Variants in ZNF705B observed in about 807,000 individuals in gnomAD.
ZNF705B encodes the protein Putative zinc finger protein 705D-like protein LOC100132396.
In ZNF705B, 1 loss-of-function variant was observed where a neutral mutation model predicts 10.5. The ratio of observed to expected loss-of-function variants is 0.10; its 90% confidence interval spans 0.03 to 0.45. ZNF705B has a LOEUF of 0.45. Ranked by LOEUF, ZNF705B falls within the 20% of genes least tolerant of loss-of-function variation. ZNF705B has a pLI of 0.97. For synonymous variants in ZNF705B, 4 were observed against 25.4 expected, an observed-to-expected ratio of 0.16 and a Z score of 2.53; for missense variants, 14 against 84.0, an observed-to-expected ratio of 0.17 and a Z score of 3.26.
In ZNF705B at chr8:7,944,723, C is replaced by A. The variant is rs1291887272; in HGVS notation, c.-71-2628C>A. ...CGGTGGCTTACGCCTGTAATCCCAACACTTTGAGAGGCGGAGACTGGCGGA... is the reference window on the plus strand; with the variant it reads ...CGGTGGCTTACGCCTGTAATCCCAAAACTTTGAGAGGCGGAGACTGGCGGA... On this transcript the variant is annotated intron_variant, in intron 2 of 6. Coordinates refer to ENST00000400120, the MANE Select transcript of ZNF705B (RefSeq NM_001193630.1). Among the ~76,000 whole-genome samples, 10 of 89,214 alleles carry A rather than the reference C, an allele frequency of 1.1e-4. 1 individual carries two copies. The highest frequency in any genetic ancestry group is 3.6e-4 in the African/African-American group (10 of 27,808). 58.5% of individuals were successfully genotyped at this position (89,214 alleles called of 152,430 possible).
intron 1 of ZNF705B, among the ~76,000 whole-genome samples, chr8:7,929,272 C>T (rs2128941169): frequency 8.2e-6 from 1 of 121,352 alleles, no homozygotes; most frequent in African/African-American, 2.5e-5. Flanking sequence ...AATCAAAATG[C>T]AATTTTAAAA....
intron 2 of ZNF705B, among the ~76,000 whole-genome samples, chr8:7,932,136 C>T (rs1819865561): frequency 8.3e-6 from 1 of 121,152 alleles, no homozygotes; most frequent in Non-Finnish European, 2.0e-5. Context: ...ATAGTAGTCT[C>T]AGGGCCTGCA....
intron 2 of ZNF705B, among the ~76,000 whole-genome samples, chr8:7,933,125 C>G (rs1819897662): frequency 9.1e-6 from 1 of 110,438 alleles, no homozygotes; most frequent in African/African-American, 2.6e-5. Context: ...CCAGGTGGGC[C>G]CAATGTAATC....
At chr8:7,927,469 A>G (rs1819725087) in intron 1 of ZNF705B, among the ~76,000 whole-genome samples, 1 of 120,974 alleles carries the variant, frequency 8.3e-6, no homozygotes, top group South Asian at 2.8e-4. Context: ...TCTTTTTTTG[A>G]GAAATGTCTG....
intron 2 of ZNF705B, among the ~76,000 whole-genome samples, 180 bp downstream of exon 2, chr8:7,930,616 A>G (rs1277624309): frequency 1.0e-5 from 1 of 98,318 alleles, no homozygotes; most frequent in East Asian, 3.0e-4. Flanking sequence ...AGAAGCTTAA[A>G]GAAATTTAAA....
chr8:7,930,789 C>G (rs1468821314), intron 2 of ZNF705B, among the ~76,000 whole-genome samples: 1 of 114,778 alleles, frequency 8.7e-6, no homozygotes, highest in Non-Finnish European at 2.1e-5. Flanking sequence ...ACAAATAATG[C>G]TGACCACTTT....
intron 2 of ZNF705B, among the ~76,000 whole-genome samples, chr8:7,933,105 C>T (rs2739900): frequency 0.034 from 3,875 of 114,450 alleles, 513 homozygotes; most frequent in Admixed American, 0.057. Flanking sequence ...GGGAGATTAT[C>T]TTAGATTATC....
chr8:7,937,505 C>G (rs1292535535), intron 2 of ZNF705B, among the ~76,000 whole-genome samples: 1 of 112,516 alleles, frequency 8.9e-6, no homozygotes, highest in Non-Finnish European at 2.1e-5. Context: ...ATGTGTTTAT[C>G]CAAATTTGGA....
At chr8:7,929,073 C>T (rs186280004) in intron 1 of ZNF705B, among the ~76,000 whole-genome samples, 12 of 121,358 alleles carry the variant, frequency 9.9e-5, no homozygotes, top group African/African-American at 1.7e-4. Context: ...ACTATGTGTA[C>T]CCCAAAAACT....
chr8:7,941,112 C>T (rs554347830), intron 2 of ZNF705B, among the ~76,000 whole-genome samples: 2 of 148,378 alleles, frequency 1.3e-5, no homozygotes, highest in East Asian at 2.1e-4. Flanking sequence ...GGGTTGATTC[C>T]ATGTCTTTGC....
rs1382743585 is a variant in ZNF705B, at chr8:7,944,892, C to T, written c.-71-2459C>T. Among the ~76,000 whole-genome samples the T allele has an allele frequency of 6.4e-5, 5 of 77,556 alleles. 1 individual carries two copies. The highest frequency in any genetic ancestry group is 1.5e-4 in the Non-Finnish European group (5 of 33,942). 50.9% of individuals were successfully genotyped at this position (77,556 alleles called of 152,430 possible). On this transcript the variant is annotated intron_variant, in intron 2 of 6. Transcript: ENST00000400120. ...GGCTGAGGCTGGAGAATTGCTTGAA[C>T]CCAGGAGGTGGAGGTTGCGGTGAGC...
At chr8:7,935,509 C>CCT (rs200831893) in intron 2 of ZNF705B, among the ~76,000 whole-genome samples, 6,038 of 87,882 alleles carry the variant, frequency 0.069, 63 homozygotes, top group Admixed American at 0.095. Context: ...AAAACCAGCA[C>CCT]TTTTTTTTTT....
chr8:7,935,701 A>G (rs1296670511), intron 2 of ZNF705B, among the ~76,000 whole-genome samples: 1 of 94,108 alleles, frequency 1.1e-5, no homozygotes, highest in Admixed American at 1.3e-4. Flanking sequence ...ATGCAACATC[A>G]TATTTATATC....
At chr8:7,931,125 T>C (rs562824624) in intron 2 of ZNF705B, among the ~76,000 whole-genome samples, 6 of 121,246 alleles carry the variant, frequency 4.9e-5, no homozygotes, top group South Asian at 2.7e-4. Context: ...AGTGCTAGGA[T>C]TACAGGTGTG....
rs1264988533 is a variant in ZNF705B at position 7,940,554 on chromosome 8, G to T, written c.-71-6797G>T. On this transcript the variant is annotated intron_variant, in intron 2 of 6. Transcript: ENST00000400120. The stretch of plus-strand genomic sequence containing the variant: ...CGAGACCTCCAGAACTTACTTACGT[G>T]GTATATCTGAAACTTTGTGCTCTAA... Among the ~76,000 whole-genome samples, 3 of 123,368 alleles carry T rather than the reference G, an allele frequency of 2.4e-5. No homozygotes were observed. The East Asian group carries it at 6.9e-4, about 28-fold the overall frequency. 80.9% of individuals were successfully genotyped at this position (123,368 alleles called of 152,430 possible).
rs529318938 is a variant in ZNF705B at position 7,932,982 on chromosome 8, C to T, written c.-72+2546C>T. Among the ~76,000 whole-genome samples the T allele has an allele frequency of 9.3e-4, 107 of 115,394 alleles. 15 individuals carry two copies. In the East Asian group the frequency reaches 0.024, roughly 26 times the overall value. The allele number at this position is 115,394 out of a possible 152,430, so 75.7% of individuals were successfully genotyped here. A position where few individuals can be genotyped will look rare whatever the true frequency, so the allele number is the denominator to read the frequency against. ...AGAATAATGTCCCCTCTGTCTCCCG[C>T]CAAAGCTATCCACATCCTAACTCCT... is the stretch of plus-strand genomic sequence containing the variant. On this transcript the variant is annotated intron_variant, in intron 2 of 6. Transcript: ENST00000400120.
chr8:7,928,595 T>C lies in ZNF705B; in HGVS notation c.-221-1692T>C, dbSNP rs1377982246. Reference sequence around the variant, plus strand: ...GGAGGAATTTCAGTGTTTTACCGTGTATACTTTCTGCTGTTTAATTCCTTT... The same window carrying C: ...GGAGGAATTTCAGTGTTTTACCGTGCATACTTTCTGCTGTTTAATTCCTTT... On this transcript the variant is annotated intron_variant, in intron 1 of 6. Transcript: ENST00000400120. Among the ~76,000 whole-genome samples, 3 of 112,198 alleles carry C rather than the reference T, an allele frequency of 2.7e-5. 1 individual carries two copies. Among genetic ancestry groups the C allele is most frequent in the Admixed American group, 1.1e-4 (1 of 9,200 alleles). 73.6% of individuals were successfully genotyped at this position (112,198 alleles called of 152,430 possible). A position where few individuals can be genotyped will look rare whatever the true frequency, so the allele number is the denominator to read the frequency against.
chr8:7,938,738 GA>G, intron 2 of ZNF705B: 3 of 1,290,822 alleles, frequency 2.3e-6, no homozygotes, highest in Non-Finnish European at 3.3e-6. Flanking sequence ...TCATAAAGAA[GA>G]AAATGGTGAA....
At chr8:7,940,784 C>G (rs56093011) in intron 2 of ZNF705B, among the ~76,000 whole-genome samples, 26,142 of 127,252 alleles carry the variant, frequency 0.21, 687 homozygotes, top group East Asian at 0.34. Context: ...TATTATGGAA[C>G]ACTGAACAAT....
Sources: allele counts gnomAD v4.1 joint callset (sites outside exome capture counted in the v4.1 genomes callset), GRCh38; gene constraint gnomAD v4.1.1; transcripts MANE v1.5; gene names NCBI Gene and HGNC (gene_info 2026-07-23, HGNC 2026-07-21).